SLC44A5: variants seen among roughly 807,000 people sequenced by gnomAD.
SLC44A5 encodes solute carrier family 44 member 5.
A neutral mutation model predicts 101.8 loss-of-function variants in SLC44A5; 57 were observed. That is an observed-to-expected ratio of 0.56 (90% confidence interval 0.45 to 0.70). The LOEUF (loss-of-function observed/expected upper bound fraction) is 0.70. Ranked by LOEUF, SLC44A5 falls within the 30% of genes least tolerant of loss-of-function variation. SLC44A5 has a pLI of 0.00. For missense variants in SLC44A5, 737 were observed against 853.1 expected (o/e 0.86, Z 1.70); for synonymous variants, 281 against 290.9 (o/e 0.97, Z 0.35).
At chr1:75,221,819 A>G (rs1029329451) in intron 14 of SLC44A5, among the ~76,000 whole-genome samples, 15 of 152,174 alleles carry the variant, frequency 9.9e-5, no homozygotes, top group African/African-American at 3.6e-4. Flanking sequence ...AATAGGTTTT[A>G]CCCTTATTCT....
the SLC44A5 span, among the ~76,000 whole-genome samples, chr1:75,713,355 C>T: frequency 2.6e-5 from 4 of 152,286 alleles, no homozygotes; most frequent in Admixed American, 1.3e-4. Flanking sequence ...GTCTACCAAT[C>T]TATGGGCATC....
the SLC44A5 span, among the ~76,000 whole-genome samples, chr1:75,640,217 T>A: frequency 6.6e-6 from 1 of 152,046 alleles, no homozygotes; most frequent in African/African-American, 2.4e-5. Flanking sequence ...TGGGGCTGGA[T>A]GATATCATAC....
the SLC44A5 span, among the ~76,000 whole-genome samples, chr1:75,630,311 C>T: frequency 6.6e-6 from 1 of 152,180 alleles, no homozygotes; most frequent in Non-Finnish European, 1.5e-5. Flanking sequence ...CAGGCAAGTA[C>T]TCTTGGTTAC....
intron 2 of SLC44A5, among the ~76,000 whole-genome samples, chr1:75,423,570 TA>T (rs2101569612): frequency 6.6e-6 from 1 of 152,378 alleles, no homozygotes; most frequent in African/African-American, 2.4e-5. Context: ...TTTGCTATTT[TA>T]CTATCGTTCT....
intron 1 of SLC44A5, among the ~76,000 whole-genome samples, chr1:75,565,909 T>A (rs1292840942): frequency 6.6e-6 from 1 of 152,166 alleles, no homozygotes; most frequent in Non-Finnish European, 1.5e-5. Context: ...ATTTTTAAAA[T>A]CCTAGTTGGC....
At chr1:75,356,058 C>T (rs1209266785) in intron 3 of SLC44A5, among the ~76,000 whole-genome samples, 1 of 151,492 alleles carries the variant, frequency 6.6e-6, no homozygotes, top group Non-Finnish European at 1.5e-5. Context: ...CAAAAAAATA[C>T]AGAAATTAGC....
At chr1:75,248,548 A>G (rs1013464207) in intron 7 of SLC44A5, among the ~76,000 whole-genome samples, 1 of 152,048 alleles carries the variant, frequency 6.6e-6, no homozygotes, top group Non-Finnish European at 1.5e-5. Context: ...GAATGCTTGT[A>G]CTTGCTCAGT....
intron 1 of SLC44A5, among the ~76,000 whole-genome samples, chr1:75,589,884 G>A (rs553052271): frequency 1.3e-5 from 2 of 152,078 alleles, no homozygotes; most frequent in African/African-American, 2.4e-5. Context: ...TAGCCAGAGG[G>A]GAATTGTCCA....
chr1:75,266,350 C>CACAA (rs1557597030), intron 6 of SLC44A5, among the ~76,000 whole-genome samples: 2 of 148,812 alleles, frequency 1.3e-5, no homozygotes, highest in Non-Finnish European at 3.0e-5. Context: ...CACACACACA[C>CACAA]ACATTTATTT....
At chr1:75,342,468 G>A (rs1351949743) in intron 3 of SLC44A5, among the ~76,000 whole-genome samples, 3 of 152,146 alleles carry the variant, frequency 2.0e-5, no homozygotes, top group Non-Finnish European at 4.4e-5. Context: ...TTGGGGTACA[G>A]AAAGGTGAGA....
At chr1:75,461,301 C>G (rs182413083) in intron 2 of SLC44A5, among the ~76,000 whole-genome samples, 1 of 152,282 alleles carries the variant, frequency 6.6e-6, no homozygotes, top group African/African-American at 2.4e-5. Context: ...CCATTTTCAT[C>G]TCTGACAATT....
intron 6 of SLC44A5, among the ~76,000 whole-genome samples, chr1:75,257,074 A>C: frequency 6.6e-6 from 1 of 152,178 alleles, no homozygotes; most frequent in East Asian, 1.9e-4. Context: ...AGTGTGGGTG[A>C]AAAGTCCTAG....
chr1:75,346,531 GA>G (rs1435401187), intron 3 of SLC44A5, among the ~76,000 whole-genome samples: 1 of 152,020 alleles, frequency 6.6e-6, no homozygotes, highest in Non-Finnish European at 1.5e-5. Context: ...ATGCACTTTT[GA>G]AAAACTGATT....
the SLC44A5 span, among the ~76,000 whole-genome samples, chr1:75,701,940 C>G: frequency 6.6e-6 from 1 of 152,134 alleles, no homozygotes; most frequent in African/African-American, 2.4e-5. Context: ...CCTAGGAATC[C>G]AACCTACAAG....
At chr1:75,434,200 T>A (rs1388414303) in intron 2 of SLC44A5, among the ~76,000 whole-genome samples, 1 of 152,156 alleles carries the variant, frequency 6.6e-6, no homozygotes, top group East Asian at 1.9e-4. Context: ...ACTTGAGTGA[T>A]TTTTAAGGAG....
At chr1:75,215,634 A>G in intron 19 of SLC44A5, 120 bp downstream of exon 19, 1 of 614,716 alleles carries the variant, frequency 1.6e-6, no homozygotes. Context: ...CACAGGCCTT[A>G]TATCAGCATA....
intron 11 of SLC44A5, among the ~76,000 whole-genome samples, chr1:75,234,979 A>G (rs1217128028): frequency 4.6e-5 from 7 of 152,078 alleles, no homozygotes; most frequent in Non-Finnish European, 8.8e-5. Flanking sequence ...GTTTCCAAAC[A>G]TAGCAACAGA....
At chr1:75,455,986 G>C (rs1666165684) in intron 2 of SLC44A5, among the ~76,000 whole-genome samples, 1 of 152,074 alleles carries the variant, frequency 6.6e-6, no homozygotes, top group Admixed American at 6.6e-5. Context: ...ACTATCCTTT[G>C]ATCCAGCAAT....
chr1:75,287,345 A>C (rs1452999080), intron 5 of SLC44A5, among the ~76,000 whole-genome samples: 10 of 145,970 alleles, frequency 6.9e-5, no homozygotes, highest in African/African-American at 2.5e-4. Context: ...CATATTCTGT[A>C]ACTTTTTTTC....
Sources: gnomAD v4.1 joint callset for allele counts (sites outside exome capture counted in the v4.1 genomes callset) on GRCh38, gnomAD v4.1.1 for gene constraint, MANE v1.5 for transcripts, NCBI Gene and HGNC (gene_info 2026-07-23, HGNC 2026-07-21) for gene names.